Variants in EPN1 observed in about 807,000 individuals in gnomAD.
EPN1 encodes the protein epsin-1.
In EPN1, 25 loss-of-function variants were observed where a neutral mutation model predicts 56.9. The ratio of observed to expected loss-of-function variants is 0.44; its 90% CI spans 0.32 to 0.61. The LOEUF (loss-of-function observed/expected upper bound fraction) is 0.61. Among genes scored for constraint, EPN1 ranks in the 20% least tolerant of loss-of-function variants. The pLI, the probability that EPN1 is intolerant of heterozygous loss-of-function variation, is 0.05. For missense variants in EPN1, 785 were observed against 823.7 expected, an observed-to-expected ratio of 0.95 and a Z score of 0.58; for synonymous variants, 411 against 361.8, an observed-to-expected ratio of 1.14 and a Z score of -1.54.
rs1454798739 is a variant in EPN1, at chr19:55,704,777, C to T, written c.*9421C>T. The T allele has an allele frequency of 6.5e-6, 1 of 152,840 alleles. No homozygotes were observed. The highest frequency in any genetic ancestry group is 2.4e-5 in the African/African-American group (1 of 41,460). The allele number at this position is 152,840 out of a possible 1,614,324, so 9.5% of individuals were successfully genotyped here. On this transcript the variant is annotated 3_prime_UTR_variant, in exon 11 of 11. Transcript: ENST00000270460. ...CCTTGGCCTGCCGCCTGTGATGCTCCTGGGCCCCCTGCTCCAGCACCGCTC... is the reference window on the plus strand; with the variant it reads ...CCTTGGCCTGCCGCCTGTGATGCTCTTGGGCCCCCTGCTCCAGCACCGCTC...
intron 3 of EPN1, among the ~76,000 whole-genome samples, chr19:55,688,029 GACAGAACTTGCTGACCAGTGC>G (rs1311098917): frequency 2.6e-5 from 4 of 152,212 alleles, no homozygotes; most frequent in Non-Finnish European, 5.9e-5. Context: ...AGCTGGAGCA[GACAGAACTTGCTGACCAGTGC>G]ACAGTGGTTG....
At position 55,692,812 on chromosome 19, in the gene EPN1, T is replaced by C; in HGVS notation, c.1177+16T>C. The C allele has an allele frequency of 6.3e-7, 1 of 1,587,922 alleles. No individual in the cohort carries two copies. Among genetic ancestry groups the C allele is most frequent in the Non-Finnish European group, 8.6e-7 (1 of 1,164,090 alleles). On this transcript the variant is annotated intron_variant, in intron 8 of 10. Coordinates refer to ENST00000270460, the MANE Select transcript of EPN1 (RefSeq NM_001130072.2). The stretch of plus-strand genomic sequence containing the variant: ...GGCACAACAGGTACTGGAATGGGGG[T>C]GGGAATGGAGCCCCGGGTGGGAGTG...
In EPN1 at chr19:55,679,424, A is replaced by T. The variant is rs1463706208; in HGVS notation, c.228+569A>T. 2.0e-5 allele frequency among the ~76,000 whole-genome samples: 3 copies of T among 152,274 alleles called. No individual in the cohort carries two copies. In the East Asian group the frequency reaches 5.8e-4, roughly 29 times the overall value. On this transcript the variant is annotated intron_variant, in intron 2 of 10. Transcript: ENST00000270460. ...GTTATACTCCCAGTGGCGGGATCTCAGGCTCGTCCCTGAATCTCCCTCTGT... is the reference window on the plus strand; with the variant it reads ...GTTATACTCCCAGTGGCGGGATCTCTGGCTCGTCCCTGAATCTCCCTCTGT...
At chr19:55,680,893 C>G (rs1004292128) in intron 2 of EPN1, 2 of 152,474 alleles carry the variant, frequency 1.3e-5, no homozygotes, top group African/African-American at 2.4e-5. Context: ...GGCGAGTCCT[C>G]TTGCTTCTCA....
rs1457220797 is a variant in EPN1 at position 55,706,784 on chromosome 19, AT to A, written c.*11429del. Reference sequence around the variant, plus strand: ...CCAGGTGCGATGGCTTGTGCCTGTAATCCCAGCAGTTTGAGAGGCTGAAGTG... The same window carrying A: ...CCAGGTGCGATGGCTTGTGCCTGTAACCCAGCAGTTTGAGAGGCTGAAGTG... On this transcript the variant is annotated 3_prime_UTR_variant, in exon 11 of 11. Transcript: ENST00000270460. The A allele has an allele frequency of 6.6e-6, 1 of 152,224 alleles. No individual in the cohort carries two copies. Among genetic ancestry groups the A allele is most frequent in the Non-Finnish European group, 1.5e-5 (1 of 68,094 alleles). 9.4% of individuals were successfully genotyped at this position (152,224 alleles called of 1,614,324 possible).
In EPN1 at chr19:55,694,665, T is replaced by C. The variant is rs750743332; in HGVS notation, c.1265-61T>C. The C allele has an allele frequency of 1.2e-4, 175 of 1,506,486 alleles. No homozygotes were observed. The highest frequency in any genetic ancestry group is 1.4e-4 in the Non-Finnish European group (160 of 1,130,988). 93.3% of individuals were successfully genotyped at this position (1,506,486 alleles called of 1,614,324 possible). On this transcript the variant is annotated intron_variant, in intron 9 of 10. Transcript: ENST00000270460. This position sits in a 1 kb window ranked among gnomAD's most constrained non-coding sequence, Gnocchi z 4.2. The stretch of plus-strand genomic sequence containing the variant: ...CGCCCCCTATGATGGCCTATACTGC[T>C]CCCGGGTTGGAGCCTCACTGCTGTC...
At position 55,691,680 on chromosome 19, in the gene EPN1, C is replaced by T. The variant is rs560742007; in HGVS notation, c.763-74C>T. 42 of 1,425,126 alleles carry T rather than the reference C, an allele frequency of 2.9e-5. No homozygotes were observed. The highest frequency in any genetic ancestry group is 7.1e-5 in the African/African-American group (5 of 70,546). 88.3% of individuals were successfully genotyped at this position (1,425,126 alleles called of 1,614,324 possible). A position where few individuals can be genotyped will look rare whatever the true frequency, so the allele number is the denominator to read the frequency against. ...CAGGGCCTGGCCGCCTCCCCCGCCACGGGCCCCAGCTTGGTCCCTGTCCCA... is the reference window on the plus strand; with the variant it reads ...CAGGGCCTGGCCGCCTCCCCCGCCATGGGCCCCAGCTTGGTCCCTGTCCCA... On this transcript the variant is annotated intron_variant, in intron 6 of 10. Coordinates refer to ENST00000270460, the MANE Select transcript of EPN1 (RefSeq NM_001130072.2). The surrounding 1 kb of genome is among the most constrained non-coding windows in gnomAD (Gnocchi z 5.6).
At position 55,703,666 on chromosome 19, in the gene EPN1, C is replaced by G. The variant is rs1987254647; in HGVS notation, c.*8310C>G. On this transcript the variant is annotated 3_prime_UTR_variant, in exon 11 of 11. Transcript: ENST00000270460. ...CGCAGATTGGTCACTAGCAGGGCGT[C>G]TGATGGAACTTTCTGAGATGCCGGA... The G allele has an allele frequency of 6.6e-6, 1 of 152,228 alleles. No individual in the cohort carries two copies. The highest frequency in any genetic ancestry group is 2.4e-5 in the African/African-American group (1 of 41,448). 9.4% of individuals were successfully genotyped at this position (152,228 alleles called of 1,614,324 possible).
rs1987105782 is a variant in EPN1 at position 55,700,768 on chromosome 19, G to C, written c.*5412G>C. On this transcript the variant is annotated 3_prime_UTR_variant, in exon 11 of 11. Coordinates refer to ENST00000270460, the MANE Select transcript of EPN1 (RefSeq NM_001130072.2). ...TCTCTAGTAATCGTTGTGTGTTACTGTCAAAAGGTATAACTCATGCATTGA... is the reference window on the plus strand; with the variant it reads ...TCTCTAGTAATCGTTGTGTGTTACTCTCAAAAGGTATAACTCATGCATTGA... 1 of 152,252 alleles carries C rather than the reference G, an allele frequency of 6.6e-6. No homozygotes were observed. The highest frequency in any genetic ancestry group is 1.5e-5 in the Non-Finnish European group (1 of 68,064). The allele number at this position is 152,252 out of a possible 1,614,324, so 9.4% of individuals were successfully genotyped here. A position where few individuals can be genotyped will look rare whatever the true frequency, so the allele number is the denominator to read the frequency against.
At position 55,694,416 on chromosome 19, in the gene EPN1, C is replaced by A. The variant is rs548841816; in HGVS notation, c.1265-310C>A. On this transcript the variant is annotated intron_variant, in intron 9 of 10. Coordinates refer to ENST00000270460, the MANE Select transcript of EPN1 (RefSeq NM_001130072.2). This position sits in a 1 kb window ranked among gnomAD's most constrained non-coding sequence, Gnocchi z 4.2. ...AACACGCCCCCGCTGCCTTCCCCCG[C>A]GGGCCTATAGACCCTGGACGGCCCC... The A allele has an allele frequency of 2.0e-3, 628 of 321,252 alleles. 2 individuals are homozygous for A. The highest frequency in any genetic ancestry group is 0.012 in the Middle Eastern group (15 of 1,214). 19.9% of individuals were successfully genotyped at this position (321,252 alleles called of 1,614,324 possible). A position where few individuals can be genotyped will look rare whatever the true frequency, so the allele number is the denominator to read the frequency against.
rs1568587466 is a variant in EPN1, at chr19:55,705,827, A to ATATATATATATATATATATATATATT, written c.*10472_*10473insATATATATATATATATATATATATTT. On this transcript the variant is annotated 3_prime_UTR_variant, in exon 11 of 11. Transcript: ENST00000270460. ...TTGTGGGATATATATATATATATAT[A>ATATATATATATATATATATATATATT]TTTAGAGTGTTGTGGGATATATATA... 5 of 118,270 alleles carry ATATATATATATATATATATATATATT rather than the reference A, an allele frequency of 4.2e-5. No individual in the cohort carries two copies. The highest frequency in any genetic ancestry group is 1.6e-4 in the African/African-American group (4 of 25,418). 7.3% of individuals were successfully genotyped at this position (118,270 alleles called of 1,614,324 possible). A position where few individuals can be genotyped will look rare whatever the true frequency, so the allele number is the denominator to read the frequency against.
rs941355448 is a variant in EPN1, at chr19:55,705,763, T to TCAA, written c.*10410_*10412dup. 4.7e-5 allele frequency: 7 copies of TCAA among 150,006 alleles called. No individual in the cohort carries two copies. The East Asian group carries it at 1.4e-3, about 29-fold the overall frequency. The allele number at this position is 150,006 out of a possible 1,614,324, so 9.3% of individuals were successfully genotyped here. A position where few individuals can be genotyped will look rare whatever the true frequency, so the allele number is the denominator to read the frequency against. On this transcript the variant is annotated 3_prime_UTR_variant, in exon 11 of 11. Transcript: ENST00000270460. ...CATGTCAATCATAAGGTCAGGTTCT[T>TCAA]CAACAGTCATACTGACATTGTGGCT... is the stretch of plus-strand genomic sequence containing the variant.
rs2122224896 is a variant in EPN1, at chr19:55,695,450, C to T, written c.*94C>T. The T allele has an allele frequency of 1.5e-6, 1 of 684,758 alleles. No homozygotes were observed. The allele number at this position is 684,758 out of a possible 1,614,324, so 42.4% of individuals were successfully genotyped here. ...GAGTGCATGTGAAATGGGGGATCCC[C>T]ACCCCCAGTGCCCTTCCCCTTCCTG... is the stretch of plus-strand genomic sequence containing the variant. On this transcript the variant is annotated 3_prime_UTR_variant, in exon 11 of 11. Coordinates refer to ENST00000270460, the MANE Select transcript of EPN1 (RefSeq NM_001130072.2). The surrounding 1 kb of genome is among the most constrained non-coding windows in gnomAD (Gnocchi z 4.4).
In EPN1 at chr19:55,691,966, C is replaced by G; in HGVS notation, c.975C>G (p.Ala325=). 1 of 1,509,592 alleles carries G rather than the reference C, an allele frequency of 6.6e-7. No individual in the cohort carries two copies. Among genetic ancestry groups the G allele is most frequent in the Non-Finnish European group, 8.8e-7 (1 of 1,134,498 alleles). 93.5% of individuals were successfully genotyped at this position (1,509,592 alleles called of 1,614,324 possible). ...PASGDPWRPA[A]PAGPSVDPWG... ...CTGGGGACCCCTGGAGGCCTGCTGCCCCTGCAGGACCCTCAGTTGACCCTT... is the reference window on the plus strand; with the variant it reads ...CTGGGGACCCCTGGAGGCCTGCTGCGCCTGCAGGACCCTCAGTTGACCCTT... Residue 325 remains alanine, a synonymous_variant, in exon 7 of 11, where the codon GCC becomes GCG. Coordinates refer to ENST00000270460, the MANE Select transcript of EPN1 (RefSeq NM_001130072.2). The surrounding 1 kb of genome is among the most constrained non-coding windows in gnomAD (Gnocchi z 5.6).
rs1270209787 is a variant in EPN1, at chr19:55,706,223, TTCCTCC to T, written c.*10870_*10875del. 2.2e-5 allele frequency: 3 copies of T among 136,210 alleles called. No individual in the cohort carries two copies. Among genetic ancestry groups the T allele is most frequent in the African/African-American group, 1.0e-4 (3 of 28,644 alleles). The allele number at this position is 136,210 out of a possible 1,614,324, so 8.4% of individuals were successfully genotyped here. On this transcript the variant is annotated 3_prime_UTR_variant, in exon 11 of 11. Transcript: ENST00000270460. Reference sequence around the variant, plus strand: ...TCTTCCTTTATTTTTCTTTCTTCCTTTCCTCCTCTTTCTTCTCCTTTTTCCTCCTCT... The same window carrying T: ...TCTTCCTTTATTTTTCTTTCTTCCTTTCTTTCTTCTCCTTTTTCCTCCTCT...
rs1037752690 is a variant in EPN1, at chr19:55,706,796, T to A, written c.*11440T>A. ...GCTTGTGCCTGTAATCCCAGCAGTT[T>A]GAGAGGCTGAAGTGGGAGGATCACT... On this transcript the variant is annotated 3_prime_UTR_variant, in exon 11 of 11. Transcript: ENST00000270460. The A allele has an allele frequency of 6.6e-6, 1 of 151,766 alleles. No homozygotes were observed. Among genetic ancestry groups the A allele is most frequent in the Non-Finnish European group, 1.5e-5 (1 of 68,028 alleles). The allele number at this position is 151,766 out of a possible 1,614,324, so 9.4% of individuals were successfully genotyped here.
chr19:55,677,822 C>G (rs1470581183), intron 1 of EPN1: 13 of 1,410,170 alleles, frequency 9.2e-6, no homozygotes, highest in South Asian at 1.7e-5. Flanking sequence ...ATTCCTGCCC[C>G]CTCTGCCCTT....
rs767442466 is a variant in EPN1 at position 55,709,050 on chromosome 19, AAAATAG to A, written c.*13700_*13705del. The A allele has an allele frequency of 2.1e-5, 32 of 1,556,492 alleles. No homozygotes were observed. Among genetic ancestry groups the A allele is most frequent in the African/African-American group, 4.2e-5 (3 of 70,920 alleles). On this transcript the variant is annotated 3_prime_UTR_variant, in exon 11 of 11. Transcript: ENST00000270460. ...CAAAGCCAGATTTGTGCAGCCTGGG[AAAATAG>A]AAATAAAGTTTTTTTTTTTGTTTTT... is the stretch of plus-strand genomic sequence containing the variant.
chr19:55,686,424 G>T (rs1044441906), intron 3 of EPN1, among the ~76,000 whole-genome samples: 1 of 152,158 alleles, frequency 6.6e-6, no homozygotes, highest in African/African-American at 2.4e-5. Context: ...GTGGGGATAC[G>T]TGGGATGGGG....
Sources: allele counts gnomAD v4.1 joint callset (sites outside exome capture counted in the v4.1 genomes callset), GRCh38; gene constraint gnomAD v4.1.1; non-coding constraint Gnocchi (gnomAD v3.1); transcripts MANE v1.5; gene names NCBI Gene and HGNC (gene_info 2026-07-23, HGNC 2026-07-21).